Variants in INTS14 observed in about 807,000 individuals in gnomAD.
INTS14 encodes the protein integrator complex subunit 14.
INTS14 carries 27 observed loss-of-function variants against 56.9 expected under a neutral mutation model. That is an observed-to-expected ratio of 0.47 (90% CI 0.35 to 0.65). INTS14 has a LOEUF of 0.65. Among genes scored for constraint, INTS14 ranks in the 30% least tolerant of loss-of-function variants. The pLI is 0.00. For synonymous variants in INTS14, 207 were observed against 236.2 expected (o/e 0.88, Z 1.13); for missense variants, 517 against 632.2 (o/e 0.82, Z 1.95).
chr15:65,595,970 G>A lies in INTS14; in HGVS notation c.749-145C>T, dbSNP rs552637071. 1.0e-4 allele frequency: 60 copies of A among 587,298 alleles called. No homozygotes were observed. The African/African-American group carries it at 1.1e-3, about 10-fold the overall frequency. The allele number at this position is 587,298 out of a possible 1,614,324, so 36.4% of individuals were successfully genotyped here. On this transcript the variant is annotated intron_variant, in intron 6 of 11. Transcript: ENST00000313182. Reference sequence around the variant, plus strand: ...AGTTATTAGATTTGTATATGGAGTCGTCTAATAATTTGCATTTTAAGCTGC... The same window carrying A: ...AGTTATTAGATTTGTATATGGAGTCATCTAATAATTTGCATTTTAAGCTGC...
intron 8 of INTS14, among the ~76,000 whole-genome samples, chr15:65,592,099 G>A (rs1330226917): frequency 6.6e-6 from 1 of 152,230 alleles, no homozygotes; most frequent in Non-Finnish European, 1.5e-5. Flanking sequence ...GCAGCACCAA[G>A]AGAAGCCCTT....
intron 3 of INTS14, among the ~76,000 whole-genome samples, chr15:65,600,685 G>A (rs1232379160): frequency 6.6e-6 from 1 of 151,336 alleles, no homozygotes; most frequent in Admixed American, 6.6e-5. Flanking sequence ...AAAGGCACGA[G>A]AAAATTTTGT....
chr15:65,603,015 A>G (rs2073498001), intron 3 of INTS14, among the ~76,000 whole-genome samples: 1 of 152,258 alleles, frequency 6.6e-6, no homozygotes, highest in Non-Finnish European at 1.5e-5. Flanking sequence ...GAAATAGCAA[A>G]TGAAACTGTG....
At chr15:65,595,232 A>AG (rs1338267578) in intron 7 of INTS14, among the ~76,000 whole-genome samples, 1 of 152,198 alleles carries the variant, frequency 6.6e-6, no homozygotes, top group Non-Finnish European at 1.5e-5. Flanking sequence ...ATGACTTTAT[A>AG]GTTCCTAGAG....
At chr15:65,593,162 C>G (rs2073090952) in intron 8 of INTS14, among the ~76,000 whole-genome samples, 1 of 150,918 alleles carries the variant, frequency 6.6e-6, no homozygotes, top group Admixed American at 6.6e-5. Context: ...ACTTGGAAGG[C>G]TGAGATGGGA....
At position 65,609,297 on chromosome 15, in the gene INTS14, G is replaced by C. The variant is rs559609820; in HGVS notation, c.-63+1801C>G. ...GGCTGTTTCGAACTCAGAATACACT[G>C]GTTCATGGAAACAATGTTTACAACT... On this transcript the variant is annotated intron_variant, in intron 1 of 11. Coordinates refer to ENST00000313182, the MANE Select transcript of INTS14 (RefSeq NM_001394796.1). Among the ~76,000 whole-genome samples, 3 of 152,156 alleles carry C rather than the reference G, an allele frequency of 2.0e-5. No individual in the cohort carries two copies. The South Asian group carries it at 6.2e-4, about 32-fold the overall frequency.
chr15:65,602,259 AAAAC>A (rs1391964328), intron 3 of INTS14, among the ~76,000 whole-genome samples: 1 of 150,016 alleles, frequency 6.7e-6, no homozygotes, highest in East Asian at 2.0e-4. Flanking sequence ...TAATAAATAA[AAAAC>A]AAAATCTTGG....
chr15:65,589,659 A>G (rs957158141), intron 9 of INTS14, among the ~76,000 whole-genome samples: 6 of 151,984 alleles, frequency 3.9e-5, no homozygotes, highest in African/African-American at 1.5e-4. Context: ...ACCTCTAATG[A>G]CCATGATTCT....
intron 3 of INTS14, among the ~76,000 whole-genome samples, chr15:65,604,634 G>A (rs79570431): frequency 0.062 from 9,441 of 151,528 alleles, 308 homozygotes; most frequent in African/African-American, 0.09. Flanking sequence ...GGAGGACGAA[G>A]TGGGAGAATC....
At chr15:65,588,016 A>G (rs2072890385) in intron 9 of INTS14, among the ~76,000 whole-genome samples, 1 of 151,980 alleles carries the variant, frequency 6.6e-6, no homozygotes, top group Non-Finnish European at 1.5e-5. Context: ...GGCCGGGCAC[A>G]GTGGCTCGTG....
intron 1 of INTS14, among the ~76,000 whole-genome samples, chr15:65,608,680 G>A (rs1043089851): frequency 1.2e-4 from 19 of 152,136 alleles, no homozygotes; most frequent in African/African-American, 4.6e-4. Context: ...ACTGAGAAAA[G>A]CAGGCCCCAG....
At chr15:65,599,040 AT>A in intron 4 of INTS14, 50 bp from the exon 5 acceptor site, 1 of 1,380,106 alleles carries the variant, frequency 7.2e-7, no homozygotes, top group Non-Finnish European at 1.0e-6. Flanking sequence ...AAAATGCCAG[AT>A]TATTCTCAGC....
At chr15:65,595,306 A>C (rs1349696666) in intron 7 of INTS14, among the ~76,000 whole-genome samples, 1 of 152,264 alleles carries the variant, frequency 6.6e-6, no homozygotes, top group Non-Finnish European at 1.5e-5. Flanking sequence ...AACAATATTT[A>C]CTGAGTTATC....
chr15:65,581,879 T>C, intron 11 of INTS14, 75 bp downstream of exon 11: 1 of 1,465,974 alleles, frequency 6.8e-7, no homozygotes, highest in African/African-American at 1.4e-5. Flanking sequence ...CCCCTGCCCA[T>C]ATTCACACTG....
At chr15:65,599,976 T>G (rs1157319646) in intron 3 of INTS14, 47 bp from the exon 4 acceptor site, 10 of 1,581,030 alleles carry the variant, frequency 6.3e-6, no homozygotes, top group Middle Eastern at 1.7e-4. Context: ...AATTACATAT[T>G]TAACGCAGTC....
intron 9 of INTS14, among the ~76,000 whole-genome samples, chr15:65,590,925 C>T (rs901018940): frequency 5.3e-5 from 8 of 151,972 alleles, no homozygotes; most frequent in African/African-American, 9.7e-5. Flanking sequence ...GAAAGGGGTG[C>T]GGGACAATAG....
rs1298729764 is a variant in INTS14 at position 65,607,158 on chromosome 15, C to T, written c.222+1G>A. On this transcript the variant is annotated splice_donor_variant, in intron 2 of 11. Coordinates refer to ENST00000313182, the MANE Select transcript of INTS14 (RefSeq NM_001394796.1). LOFTEE classifies it high-confidence loss of function. ...ATACAATAACTTACTACATTTTGTA[C>T]CTGTAGGGTATTATAATCTCTCGTG... is the stretch of plus-strand genomic sequence containing the variant. 6.2e-7 allele frequency: 1 copy of T among 1,613,762 alleles called. No homozygotes were observed. Among genetic ancestry groups the T allele is most frequent in the East Asian group, 2.2e-5 (1 of 44,884 alleles).
At chr15:65,598,639 C>G in intron 5 of INTS14, 176 bp from the exon 6 acceptor site, 1 of 789,990 alleles carries the variant, frequency 1.3e-6, no homozygotes, top group Non-Finnish European at 1.9e-6. Flanking sequence ...CTGAAAAGCC[C>G]AAGAGCAAGT....
At chr15:65,595,099 TGTAGCC>T (rs2073166080) in intron 7 of INTS14, among the ~76,000 whole-genome samples, 1 of 152,216 alleles carries the variant, frequency 6.6e-6, no homozygotes, top group African/African-American at 2.4e-5. Flanking sequence ...GATTTGAACC[TGTAGCC>T]AGTCAGGGAC....
Sources: gnomAD v4.1 joint callset for allele counts (sites outside exome capture counted in the v4.1 genomes callset) on GRCh38, gnomAD v4.1.1 for gene constraint, MANE v1.5 for transcripts, NCBI Gene and HGNC (gene_info 2026-07-23, HGNC 2026-07-21) for gene names.